Variants in TULP4 observed in about 807,000 individuals in gnomAD.
TULP4 encodes TUB like protein 4.
A neutral mutation model predicts 129.0 loss-of-function variants in TULP4; 16 were observed. That is an observed-to-expected ratio of 0.12 (90% CI 0.08 to 0.19). The LOEUF is 0.19. Among genes scored for constraint, TULP4 ranks in the 10% least tolerant of loss-of-function variants. The pLI, the probability that TULP4 is intolerant of heterozygous loss-of-function variation, is 1.00. For missense variants in TULP4, 1,842 were observed against 2,059.1 expected (o/e 0.89, Z 2.04); for synonymous variants, 998 against 854.0 (o/e 1.17, Z -2.94).
chr6:158,372,469 T>C (rs762077166), intron 1 of TULP4, among the ~76,000 whole-genome samples: 16 of 152,128 alleles, frequency 1.1e-4, no homozygotes, highest in Non-Finnish European at 1.3e-4. Context: ...GACATGTCAG[T>C]GCTTTCCTAA....
chr6:158,464,704 G>C (rs898183468), intron 6 of TULP4, among the ~76,000 whole-genome samples: 1 of 152,148 alleles, frequency 6.6e-6, no homozygotes, highest in African/African-American at 2.4e-5. Context: ...TGGCCCCAAG[G>C]TTCTTGTTAT....
chr6:158,248,520 C>T lies in TULP4; in HGVS notation n.68+16217C>T, dbSNP rs534717314. ...TCCTGACCTTCTGATCTGCCCACCT[C>T]GGCCTCCCAAAGTGCTGGGATTACA... On this transcript the variant is annotated intron_variant and non_coding_transcript_variant, in intron 1 of 1. Coordinates refer to the TULP4 transcript ENST00000620026. Among the ~76,000 whole-genome samples, 102 of 152,250 alleles carry T rather than the reference C, an allele frequency of 6.7e-4. No individual in the cohort carries two copies. In the East Asian group the frequency reaches 0.01, roughly 15 times the overall value.
At chr6:158,485,066 TGAG>T (rs1165024185) in intron 8 of TULP4, among the ~76,000 whole-genome samples, 4 of 152,194 alleles carry the variant, frequency 2.6e-5, no homozygotes, top group African/African-American at 2.4e-5. Context: ...TAGTTGGAAA[TGAG>T]GAACATACTG....
chr6:158,493,443 G>C lies in TULP4; in HGVS notation c.1632-130G>C. 1 of 923,272 alleles carries C rather than the reference G, an allele frequency of 1.1e-6. No homozygotes were observed. Among genetic ancestry groups the C allele is most frequent in the Non-Finnish European group, 1.5e-6 (1 of 669,806 alleles). 57.2% of individuals were successfully genotyped at this position (923,272 alleles called of 1,614,324 possible). A position where few individuals can be genotyped will look rare whatever the true frequency, so the allele number is the denominator to read the frequency against. On this transcript the variant is annotated intron_variant, in intron 9 of 13. Coordinates refer to ENST00000367097, the MANE Select transcript of TULP4 (RefSeq NM_020245.5). This position sits in a 1 kb window ranked among gnomAD's most constrained non-coding sequence, Gnocchi z 4.4. ...CAAGGGGAGAGCTTTGTTAAATTCG[G>C]GCACTGGCTGCAGGGTGAGAACCCA... is the stretch of plus-strand genomic sequence containing the variant.
chr6:158,242,753 G>T (rs1777946870), intron 1 of TULP4: 5 of 449,166 alleles, frequency 1.1e-5, no homozygotes, highest in East Asian at 4.7e-5. Flanking sequence ...GGAAGTTGCT[G>T]TTCTGGCCGT....
intron 1 of TULP4, among the ~76,000 whole-genome samples, chr6:158,253,491 T>C (rs566208110): frequency 1.5e-4 from 23 of 152,248 alleles, no homozygotes; most frequent in African/African-American, 4.8e-4. Flanking sequence ...TTGAGTGGCT[T>C]CATGTCAGGT....
At chr6:158,351,072 G>A (rs923894839) in intron 1 of TULP4, among the ~76,000 whole-genome samples, 20 of 152,156 alleles carry the variant, frequency 1.3e-4, no homozygotes, top group South Asian at 8.3e-4. Flanking sequence ...GTCTTTATCA[G>A]TGGCTGTGTA....
At chr6:158,297,768 G>T (rs1203724470) in intron 1 of TULP4, among the ~76,000 whole-genome samples, 1 of 152,158 alleles carries the variant, frequency 6.6e-6, no homozygotes, top group Non-Finnish European at 1.5e-5. Context: ...TACTGATAAG[G>T]TTCTATGTTT....
intron 1 of TULP4, among the ~76,000 whole-genome samples, chr6:158,300,296 A>C (rs1779110943): frequency 6.6e-6 from 1 of 152,162 alleles, no homozygotes; most frequent in Non-Finnish European, 1.5e-5. Context: ...TTTCCCTAAC[A>C]CTGGCTTGCC....
At chr6:158,412,658 A>G (rs1778121566) in intron 1 of TULP4, among the ~76,000 whole-genome samples, 1 of 152,156 alleles carries the variant, frequency 6.6e-6, no homozygotes, top group Non-Finnish European at 1.5e-5. Context: ...AATGAACCTA[A>G]ATAGTACTCA....
At position 158,509,156 on chromosome 6, in the gene TULP4, C is replaced by G. The variant is rs187000258; in HGVS notation, c.*2462C>G. On this transcript the variant is annotated 3_prime_UTR_variant, in exon 14 of 14. Coordinates refer to ENST00000367097, the MANE Select transcript of TULP4 (RefSeq NM_020245.5). ...CCGCCCGCCTCGGCCTCCCAAAGTG[C>G]TGGGATTACAGACGTGAGCCACCAC... is the stretch of plus-strand genomic sequence containing the variant. 4.6e-5 allele frequency: 7 copies of G among 152,196 alleles called. No homozygotes were observed. Among genetic ancestry groups the G allele is most frequent in the Non-Finnish European group, 8.8e-5 (6 of 68,012 alleles). 9.4% of individuals were successfully genotyped at this position (152,196 alleles called of 1,614,324 possible). A position where few individuals can be genotyped will look rare whatever the true frequency, so the allele number is the denominator to read the frequency against.
At chr6:158,283,817 GCCT>G (rs1778796267) in intron 1 of TULP4, among the ~76,000 whole-genome samples, 1 of 152,130 alleles carries the variant, frequency 6.6e-6, no homozygotes, top group Admixed American at 6.5e-5. Context: ...GCCAGCTTCA[GCCT>G]CTCTCTTGTA....
chr6:158,272,909 G>A (rs907331305), intron 1 of TULP4, among the ~76,000 whole-genome samples: 9 of 152,192 alleles, frequency 5.9e-5, no homozygotes, highest in Non-Finnish European at 1.3e-4. Context: ...TTGAAAAAGA[G>A]CTTATGGACT....
chr6:158,395,520 G>C (rs1777689953), intron 1 of TULP4, among the ~76,000 whole-genome samples: 1 of 151,632 alleles, frequency 6.6e-6, no homozygotes, highest in East Asian at 1.9e-4. Context: ...GGCGGAGGTT[G>C]TGGTGAGCTG....
In TULP4 at chr6:158,461,691, C is replaced by A. The variant is rs145043798; in HGVS notation, c.988C>A (p.Arg330Ser). 193 of 1,614,074 alleles carry A rather than the reference C, an allele frequency of 1.2e-4. 2 individuals are homozygous for A. In the African/African-American group the frequency reaches 2.3e-3, roughly 19 times the overall value. ...KSAMVKFYNV[R>S]GEHIFTLDTL... ...TGCCATGGTCAAGTTCTACAATGTTCGTGGGGAGCACATCTTCACACTGGA... is the reference window on the plus strand; with the variant it reads ...TGCCATGGTCAAGTTCTACAATGTTAGTGGGGAGCACATCTTCACACTGGA... Residue 330 changes from arginine to serine, a missense_variant, in exon 6 of 14, where the codon CGT (arginine) becomes AGT (serine). Transcript: ENST00000367097.
upstream of TULP4, among the ~76,000 whole-genome samples, chr6:158,279,661 C>G (rs759020272): frequency 6.6e-6 from 1 of 152,216 alleles, no homozygotes; most frequent in African/African-American, 2.4e-5. Flanking sequence ...TGGAGACTCT[C>G]TCTCTCCCAG....
intron 1 of TULP4, among the ~76,000 whole-genome samples, chr6:158,270,220 A>AT (rs1422620722): frequency 6.6e-6 from 1 of 152,052 alleles, no homozygotes; most frequent in East Asian, 1.9e-4. Context: ...TTATTGAGAT[A>AT]TTTTTGTCAG....
chr6:158,246,020 A>AGG (rs35127073), intron 1 of TULP4, among the ~76,000 whole-genome samples: 1,265 of 102,966 alleles, frequency 0.012, 16 homozygotes, highest in East Asian at 0.067. Flanking sequence ...CCTACCCCTT[A>AGG]GGGGTGTGTG....
chr6:158,393,461 G>T (rs1045263571), intron 1 of TULP4, among the ~76,000 whole-genome samples: 3 of 152,232 alleles, frequency 2.0e-5, no homozygotes, highest in African/African-American at 7.2e-5. Context: ...CTTAGTAAAG[G>T]TTCTCCATAA....
Sources: allele counts gnomAD v4.1 joint callset (sites outside exome capture counted in the v4.1 genomes callset), GRCh38; gene constraint gnomAD v4.1.1; non-coding constraint Gnocchi (gnomAD v3.1); transcripts MANE v1.5; gene names NCBI Gene and HGNC (gene_info 2026-07-23, HGNC 2026-07-21).